The following RNF115 variants were observed in gnomAD, a reference collection of about 807,000 sequenced individuals.
RNF115 encodes the protein E3 ubiquitin-protein ligase RNF115.
A neutral mutation model predicts 39.2 loss-of-function variants in RNF115; 31 were observed. That is an observed-to-expected ratio of 0.79 (90% CI 0.59 to 1.07). The LOEUF (loss-of-function observed/expected upper bound fraction) is 1.07, where lower values mean the gene tolerates loss of function less well. RNF115 is among the 50% of genes least tolerant of loss of function. The pLI is 0.00. For missense variants in RNF115, 384 were observed against 381.7 expected, an observed-to-expected ratio of 1.01 and a Z score of -0.05; for synonymous variants, 124 against 131.0, an observed-to-expected ratio of 0.95 and a Z score of 0.37.
intron 3 of RNF115, chr1:145,772,663 T>C (rs1331573314): frequency 1.3e-5 from 2 of 152,232 alleles, no homozygotes; most frequent in South Asian, 2.1e-4. Flanking sequence ...ATTCTCTCTT[T>C]ATCTCTGGCT....
intron 4 of RNF115, among the ~76,000 whole-genome samples, chr1:145,764,341 C>G (rs1413997188): frequency 2.0e-5 from 3 of 152,230 alleles, no homozygotes; most frequent in African/African-American, 7.2e-5. Context: ...GACACCCCGT[C>G]TGGGAAGTGA....
chr1:145,788,658 C>T (rs1220396620), intron 2 of RNF115: 1 of 615,924 alleles, frequency 1.6e-6, no homozygotes, highest in Non-Finnish European at 3.0e-6. Context: ...ATGCCACATA[C>T]AATCAGGAGC....
chr1:145,786,038 G>A (rs587720721), intron 2 of RNF115, among the ~76,000 whole-genome samples: 1 of 152,120 alleles, frequency 6.6e-6, no homozygotes, highest in African/African-American at 2.4e-5. Context: ...CACAGTTTCA[G>A]GGATTCAAAC....
intron 1 of RNF115, among the ~76,000 whole-genome samples, chr1:145,791,350 T>TAAA (rs144482903): frequency 1.4e-5 from 2 of 139,686 alleles, no homozygotes; most frequent in African/African-American, 5.3e-5. Flanking sequence ...CATCTCTACT[T>TAAA]AAAAAAAAAA....
intron 4 of RNF115, among the ~76,000 whole-genome samples, chr1:145,757,202 C>G (rs113235775): frequency 1.9e-3 from 282 of 152,254 alleles, no homozygotes; most frequent in Admixed American, 8.4e-3. Flanking sequence ...TGTGATCTTA[C>G]TATAACTTGA....
At chr1:145,793,573 C>G (rs1648782607) in intron 1 of RNF115, among the ~76,000 whole-genome samples, 1 of 152,078 alleles carries the variant, frequency 6.6e-6, no homozygotes, top group Admixed American at 6.5e-5. Context: ...GGCCAGTCTT[C>G]TGAATTCCAG....
Position 145,823,678 on chromosome 1 carries a change from G to C in RNF115, c.102+94C>G, listed in dbSNP as rs1650418953. On this transcript the variant is annotated intron_variant, in intron 1 of 8. Transcript: ENST00000582693. ...TATTCGGCAGACCGATGTCGGGCGA[G>C]TCAATGATGTGCAGAAAGCTCCAGA... 7.8e-6 allele frequency: 8 copies of C among 1,029,454 alleles called. No individual in the cohort carries two copies. The South Asian group carries it at 9.5e-5, about 12-fold the overall frequency. 63.8% of individuals were successfully genotyped at this position (1,029,454 alleles called of 1,614,324 possible).
At chr1:145,759,405 C>G (rs979393007) in intron 4 of RNF115, among the ~76,000 whole-genome samples, 1 of 152,130 alleles carries the variant, frequency 6.6e-6, no homozygotes, top group Admixed American at 6.6e-5. Context: ...CTAATGTTCC[C>G]CATGTCAGTG....
intron 1 of RNF115, among the ~76,000 whole-genome samples, chr1:145,796,035 A>C (rs982698101): frequency 3.3e-5 from 5 of 152,204 alleles, no homozygotes; most frequent in African/African-American, 1.2e-4. Context: ...GTCTCAAAAA[A>C]CTATCTCACT....
intron 7 of RNF115, 121 bp from the exon 8 acceptor site, chr1:145,748,231 T>G (rs1252458612): frequency 2.2e-5 from 15 of 676,856 alleles, no homozygotes; most frequent in African/African-American, 5.4e-5. Flanking sequence ...CAAAAGAAAA[T>G]GTACACCCAA....
chr1:145,817,592 GT>G (rs1650046588), intron 1 of RNF115, among the ~76,000 whole-genome samples: 1 of 140,602 alleles, frequency 7.1e-6, no homozygotes, highest in South Asian at 2.4e-4. Context: ...TTTGCTCTTT[GT>G]TTTCTACACA....
chr1:145,752,548 A>G (rs1025368426), intron 5 of RNF115, among the ~76,000 whole-genome samples: 1 of 147,318 alleles, frequency 6.8e-6, no homozygotes, highest in Non-Finnish European at 1.5e-5. Context: ...GCAGTGTAGC[A>G]GCCTCCAGTT....
At chr1:145,770,103 A>G (rs979944611) in intron 4 of RNF115, among the ~76,000 whole-genome samples, 2 of 152,354 alleles carry the variant, frequency 1.3e-5, no homozygotes, top group South Asian at 4.1e-4. Flanking sequence ...ACTTGTTAAT[A>G]AAATGCATTA....
rs1657628769 is a variant in RNF115, at chr1:145,739,564, T to C, written c.*7302A>G. 6.6e-6 allele frequency: 1 copy of C among 150,830 alleles called. No individual in the cohort carries two copies. Among genetic ancestry groups the C allele is most frequent in the African/African-American group, 2.5e-5 (1 of 40,196 alleles). 9.3% of individuals were successfully genotyped at this position (150,830 alleles called of 1,614,324 possible). A position where few individuals can be genotyped will look rare whatever the true frequency, so the allele number is the denominator to read the frequency against. ...GGCTCTGCAACATACCAGCTATTTGTCATTGGGCAAATGAATTTTTTTTTT... is the reference window on the plus strand; with the variant it reads ...GGCTCTGCAACATACCAGCTATTTGCCATTGGGCAAATGAATTTTTTTTTT... On this transcript the variant is annotated 3_prime_UTR_variant, in exon 9 of 9. Transcript: ENST00000582693.
chr1:145,771,003 A>G (rs967145750), intron 4 of RNF115, among the ~76,000 whole-genome samples: 8 of 152,240 alleles, frequency 5.3e-5, no homozygotes, highest in South Asian at 2.1e-4. Context: ...TTTCATGTTA[A>G]GTCCACTGTT....
intron 4 of RNF115, among the ~76,000 whole-genome samples, chr1:145,767,185 T>C (rs1647362758): frequency 7.0e-6 from 1 of 142,744 alleles, no homozygotes; most frequent in African/African-American, 2.6e-5. Context: ...ACGGGGTGGC[T>C]GCCGGGCGGA....
chr1:145,752,606 T>TTTTTTG (rs1658133365), intron 5 of RNF115, among the ~76,000 whole-genome samples: 1 of 129,304 alleles, frequency 7.7e-6, no homozygotes. Context: ...TTTTTTTTTT[T>TTTTTTG]GAGACAGGGT....
At chr1:145,751,899 A>C (rs1553712539) in intron 5 of RNF115, among the ~76,000 whole-genome samples, 2 of 152,206 alleles carry the variant, frequency 1.3e-5, no homozygotes, top group Admixed American at 1.3e-4. Flanking sequence ...TACAGCAAAC[A>C]TCCCTCATTA....
intron 4 of RNF115, among the ~76,000 whole-genome samples, chr1:145,759,458 G>C (rs1658421896): frequency 6.6e-6 from 1 of 152,036 alleles, no homozygotes; most frequent in Non-Finnish European, 1.5e-5. Context: ...AAAAACCTTG[G>C]TGTCATAACT....
Sources: allele counts gnomAD v4.1 joint callset (sites outside exome capture counted in the v4.1 genomes callset), GRCh38; gene constraint gnomAD v4.1.1; transcripts MANE v1.5; gene names NCBI Gene and HGNC (gene_info 2026-07-23, HGNC 2026-07-21).